TPT1: variants seen among roughly 807,000 people sequenced by gnomAD.
TPT1 encodes the protein translationally-controlled tumor protein.
A neutral mutation model predicts 22.8 loss-of-function variants in TPT1; 5 were observed. The ratio of observed to expected loss-of-function variants is 0.22; its 90% CI spans 0.11 to 0.46. TPT1 has a LOEUF of 0.46. Among genes scored for constraint, TPT1 ranks in the 20% least tolerant of loss-of-function variants. TPT1 has a pLI of 0.99. For missense variants in TPT1, 130 were observed against 218.7 expected, an observed-to-expected ratio of 0.59 and a Z score of 2.56; for synonymous variants, 89 against 73.6, an observed-to-expected ratio of 1.21 and a Z score of -1.07.
Position 45,341,128 on chromosome 13 carries a change from G to A in TPT1, c.-59C>T. On this transcript the variant is annotated 5_prime_UTR_variant, in exon 1 of 6. Transcript: ENST00000530705. ...GCTTAGCACGAGCCTGAAACTCGGAGCGAGCGCGGTGCAGCCGGAGCGGCG... is the reference window on the plus strand; with the variant it reads ...GCTTAGCACGAGCCTGAAACTCGGAACGAGCGCGGTGCAGCCGGAGCGGCG... The A allele has an allele frequency of 1.2e-6, 2 of 1,602,644 alleles. No individual in the cohort carries two copies. Among genetic ancestry groups the A allele is most frequent in the South Asian group, 1.1e-5 (1 of 89,692 alleles).
intron 5 of TPT1, chr13:45,337,709 A>G: frequency 1.4e-6 from 1 of 725,578 alleles, no homozygotes; most frequent in Non-Finnish European, 2.4e-6. Context: ...TACTGTCTGA[A>G]TAACCCCTTT....
intron 2 of TPT1, chr13:45,340,443 G>A (rs1388295995): frequency 1.5e-5 from 11 of 737,786 alleles, no homozygotes; most frequent in Non-Finnish European, 2.6e-5. Context: ...GTTGGTAAGT[G>A]GGGACAGGAC....
At chr13:45,337,538 TTC>T (rs755396220) in intron 5 of TPT1, 150 bp from the exon 6 acceptor site, 2 of 1,612,790 alleles carry the variant, frequency 1.2e-6, no homozygotes, top group South Asian at 1.1e-5. Context: ...GCGCAGGGAT[TTC>T]TTTCTTTTGC....
At chr13:45,338,438 C>T (rs530384326) in intron 5 of TPT1, 10 of 848,492 alleles carry the variant, frequency 1.2e-5, no homozygotes, top group Admixed American at 1.1e-4. Context: ...CTTTATTATG[C>T]CCCATCTGCA....
chr13:45,337,569 A>C, intron 5 of TPT1, 181 bp from the exon 6 acceptor site: 1 of 1,609,068 alleles, frequency 6.2e-7, no homozygotes, highest in Non-Finnish European at 8.5e-7. Flanking sequence ...GCAAACCAAA[A>C]GAACAACAGT....
rs747986704 is a variant in TPT1, at chr13:45,340,856, G to A, written c.29-71C>T. ...CATTTCCCGCATTTCCCGCGCCGGC[G>A]GCCGCACGCGGGATCTGCCCCTCCG... is the stretch of plus-strand genomic sequence containing the variant. On this transcript the variant is annotated intron_variant, in intron 1 of 5. Transcript: ENST00000530705. The A allele has an allele frequency of 6.1e-6, 9 of 1,463,748 alleles. No homozygotes were observed. The South Asian group carries it at 1.3e-4, about 21-fold the overall frequency. The allele number at this position is 1,463,748 out of a possible 1,614,324, so 90.7% of individuals were successfully genotyped here. A position where few individuals can be genotyped will look rare whatever the true frequency, so the allele number is the denominator to read the frequency against.
rs1226089667 is a variant in TPT1 at position 45,336,657 on chromosome 13, A to G, written c.*729T>C. 6.6e-6 allele frequency: 1 copy of G among 152,314 alleles called. No homozygotes were observed. The highest frequency in any genetic ancestry group is 6.5e-5 in the Admixed American group (1 of 15,272). 9.4% of individuals were successfully genotyped at this position (152,314 alleles called of 1,614,324 possible). On this transcript the variant is annotated 3_prime_UTR_variant, in exon 6 of 6. Transcript: ENST00000530705. ...AATGAATAAGCATAGCCACGTTCCA[A>G]TAAAACTGGACTCGAACTTAAATTC...
At chr13:45,340,821 CTGG>C (rs759998020) in intron 1 of TPT1, 36 bp from the exon 2 acceptor site, 11 of 1,504,594 alleles carry the variant, frequency 7.3e-6, no homozygotes, top group African/African-American at 7.0e-5. Flanking sequence ...CACCGTGCGC[CTGG>C]CGCCGCCATT....
rs762487728 is a variant in TPT1 at position 45,340,127 on chromosome 13, C to A, written c.160G>T (p.Ala54Ser). Reference sequence around the variant, plus strand: ...GTACCTTCGCCCTCGGGGCCTTCAGCGGAGGCATTTCCACCAATGAGCGAG... The same window carrying A: ...GTACCTTCGCCCTCGGGGCCTTCAGAGGAGGCATTTCCACCAATGAGCGAG... ...DDSLIGGNAS[A>S]EGPEGEGTES... Residue 54 changes from alanine (A) to serine (S), a missense_variant, in exon 3 of 6, where the codon GCT becomes TCT. By Grantham distance (99) the Ala-to-Ser change is moderately conservative (BLOSUM62 1). Transcript: ENST00000530705. 3.1e-6 allele frequency: 5 copies of A among 1,614,128 alleles called. No homozygotes were observed. The highest frequency in any genetic ancestry group is 4.2e-6 in the Non-Finnish European group (5 of 1,179,994).
At position 45,339,447 on chromosome 13, in the gene TPT1, T is replaced by C. The variant is rs1384644783; in HGVS notation, c.399+50A>G. 4.6e-6 allele frequency: 7 copies of C among 1,519,588 alleles called. No individual in the cohort carries two copies. The East Asian group carries it at 1.4e-4, about 30-fold the overall frequency. The allele number at this position is 1,519,588 out of a possible 1,614,324, so 94.1% of individuals were successfully genotyped here. On this transcript the variant is annotated intron_variant, in intron 4 of 5. Transcript: ENST00000530705. Reference sequence around the variant, plus strand: ...AGATTAATCAACTTAATTTTTGCTCTTGCAGTTAAAATTGTACAATCCTTT... The same window carrying C: ...AGATTAATCAACTTAATTTTTGCTCCTGCAGTTAAAATTGTACAATCCTTT...
In TPT1 at chr13:45,339,611, AC is replaced by A; in HGVS notation, c.294-10del. 6.2e-7 allele frequency: 1 copy of A among 1,601,900 alleles called. No homozygotes were observed. The highest frequency in any genetic ancestry group is 8.5e-7 in the Non-Finnish European group (1 of 1,171,724). On this transcript the variant is annotated splice_polypyrimidine_tract_variant and intron_variant, in intron 3 of 5. Coordinates refer to ENST00000530705, the MANE Select transcript of TPT1 (RefSeq NM_003295.4). ...CAAGTTTCCCTTTGATTCTAAAACAACATTTCATTAACAGGTTGAAGTATTG... is the reference window on the plus strand; with the variant it reads ...CAAGTTTCCCTTTGATTCTAAAACAAATTTCATTAACAGGTTGAAGTATTG...
Position 45,336,328 on chromosome 13 carries a change from A to G in TPT1, c.*1058T>C, listed in dbSNP as rs1449449881. The G allele has an allele frequency of 2.6e-5, 4 of 152,130 alleles. No homozygotes were observed. Among genetic ancestry groups the G allele is most frequent in the African/African-American group, 9.7e-5 (4 of 41,432 alleles). 9.4% of individuals were successfully genotyped at this position (152,130 alleles called of 1,614,324 possible). ...GCTTTTTTTCCTCCTGTATTCCTCTATTCAATCTCAGCTGCCACAATTAGA... is the reference window on the plus strand; with the variant it reads ...GCTTTTTTTCCTCCTGTATTCCTCTGTTCAATCTCAGCTGCCACAATTAGA... On this transcript the variant is annotated 3_prime_UTR_variant, in exon 6 of 6. Coordinates refer to ENST00000530705, the MANE Select transcript of TPT1 (RefSeq NM_003295.4).
Position 45,334,139 on chromosome 13 carries a change from T to C in TPT1, c.*3247A>G, listed in dbSNP as rs1411622893. 1 of 151,988 alleles carries C rather than the reference T, an allele frequency of 6.6e-6. No homozygotes were observed. Among genetic ancestry groups the C allele is most frequent in the East Asian group, 1.9e-4 (1 of 5,178 alleles). 9.4% of individuals were successfully genotyped at this position (151,988 alleles called of 1,614,324 possible). Reference sequence around the variant, plus strand: ...GTTGCCCAGGCTGGTCTCAAACTCCTGACCTCAAGCGATCCTCCCCACTCA... The same window carrying C: ...GTTGCCCAGGCTGGTCTCAAACTCCCGACCTCAAGCGATCCTCCCCACTCA... On this transcript the variant is annotated 3_prime_UTR_variant, in exon 6 of 6. Transcript: ENST00000530705.
intron 2 of TPT1, 76 bp downstream of exon 2, chr13:45,340,636 A>G (rs2137553840): frequency 6.7e-7 from 1 of 1,492,530 alleles, no homozygotes; most frequent in Non-Finnish European, 9.1e-7. Context: ...GGATTGCACA[A>G]CCTCAGGCGG....
chr13:45,337,180 G>A lies in TPT1; in HGVS notation c.*206C>T, dbSNP rs1055823309. ...AACTAAAAGGCATTCTCTCAAATGA[G>A]TTTAAATGCATTTTATTTTTAGACA... On this transcript the variant is annotated 3_prime_UTR_variant, in exon 6 of 6. Transcript: ENST00000530705. The A allele has an allele frequency of 1.6e-5, 10 of 614,670 alleles. No individual in the cohort carries two copies. The highest frequency in any genetic ancestry group is 9.0e-5 in the Admixed American group (3 of 33,446). The allele number at this position is 614,670 out of a possible 1,614,324, so 38.1% of individuals were successfully genotyped here. A position where few individuals can be genotyped will look rare whatever the true frequency, so the allele number is the denominator to read the frequency against.
chr13:45,338,451 C>A, intron 5 of TPT1: 1 of 1,025,352 alleles, frequency 9.8e-7, no homozygotes, highest in Non-Finnish European at 1.4e-6. Context: ...CATCTGCACT[C>A]AACGTTTTCC....
chr13:45,340,673 C>A lies in TPT1; in HGVS notation c.102+39G>T. ...GGAGCGGAGGAAACCCGAGCCCGCT[C>A]GGCCCGGACTCCCCCACGCGCAGGC... is the stretch of plus-strand genomic sequence containing the variant. On this transcript the variant is annotated intron_variant, in intron 2 of 5. Coordinates refer to ENST00000530705, the MANE Select transcript of TPT1 (RefSeq NM_003295.4). The A allele has an allele frequency of 3.9e-6, 6 of 1,557,976 alleles. No homozygotes were observed. In the Middle Eastern group the frequency reaches 5.2e-4, roughly 134 times the overall value.
At chr13:45,340,388 G>T (rs535605332) in intron 2 of TPT1, 19 of 854,886 alleles carry the variant, frequency 2.2e-5, no homozygotes, top group Non-Finnish European at 3.2e-5. Flanking sequence ...CAAAAAATGG[G>T]GTCATTAAAA....
At chr13:45,337,635 C>T in intron 5 of TPT1, 1 of 1,479,228 alleles carries the variant, frequency 6.8e-7, no homozygotes, top group South Asian at 1.1e-5. Context: ...TCAGCGGTAG[C>T]TCATTTTTCA....
Sources: gnomAD v4.1 joint callset for allele counts on GRCh38, gnomAD v4.1.1 for gene constraint, MANE v1.5 for transcripts, NCBI Gene and HGNC (gene_info 2026-07-23, HGNC 2026-07-21) for gene names.